Variants in SRC observed in about 807,000 individuals in gnomAD.
SRC encodes SRC proto-oncogene, non-receptor tyrosine kinase.
In SRC, 13 loss-of-function variants were observed where a neutral mutation model predicts 62.9. The ratio of observed to expected loss-of-function variants is 0.21; its 90% CI spans 0.13 to 0.33. SRC has a LOEUF of 0.33. Ranked by LOEUF, SRC falls within the 10% of genes least tolerant of loss-of-function variation. The pLI is 1.00. For missense variants in SRC, 457 were observed against 737.3 expected (o/e 0.62, Z 4.40); for synonymous variants, 302 against 317.5 (o/e 0.95, Z 0.52).
chr20:37,384,590 C>T lies in SRC; in HGVS notation c.250+187C>T, dbSNP rs1473212901. Among the ~76,000 whole-genome samples the T allele has an allele frequency of 1.3e-5, 2 of 152,212 alleles. No individual in the cohort carries two copies. Among genetic ancestry groups the T allele is most frequent in the East Asian group, 3.9e-4 (2 of 5,176 alleles). On this transcript the variant is annotated intron_variant, in intron 4 of 13. Coordinates refer to ENST00000373578, the MANE Select transcript of SRC (RefSeq NM_198291.3). This position sits in a 1 kb window ranked among gnomAD's most constrained non-coding sequence, Gnocchi z 6.7. ...ACACACTGTGAAGCGTCCGCGCCGC[C>T]GCCGCTGGCTTTGGGGTGGAGCAAG...
At position 37,385,196 on chromosome 20, in the gene SRC, A is replaced by G. The variant is rs184472266; in HGVS notation, c.250+793A>G. On this transcript the variant is annotated intron_variant, in intron 4 of 13. Coordinates refer to ENST00000373578, the MANE Select transcript of SRC (RefSeq NM_198291.3). ...GACACACGCTCAGCTGGAAATCACA[A>G]TCTCACCATCGTGGCCGCCCAGGAG... Among the ~76,000 whole-genome samples, 7 of 131,052 alleles carry G rather than the reference A, an allele frequency of 5.3e-5. No homozygotes were observed. The East Asian group carries it at 1.4e-3, about 25-fold the overall frequency. The allele number at this position is 131,052 out of a possible 152,430, so 86.0% of individuals were successfully genotyped here.
intron 2 of SRC, among the ~76,000 whole-genome samples, chr20:37,382,022 C>T (rs2070371741): frequency 6.6e-6 from 1 of 152,158 alleles, no homozygotes; most frequent in African/African-American, 2.4e-5. Flanking sequence ...TTCACACAGG[C>T]AGGGGGCGTC....
Position 37,404,874 on chromosome 20 carries a change from CTG to C in SRC, c.*1505_*1506del, listed in dbSNP as rs764585480. On this transcript the variant is annotated 3_prime_UTR_variant, in exon 14 of 14. Transcript: ENST00000373578. The stretch of plus-strand genomic sequence containing the variant: ...GTTTGTGGCATCTTGCCAAGGGTCC[CTG>C]TGTGTGTGTATGTGTGTGCATGTGT... 8.6e-6 allele frequency: 2 copies of C among 233,694 alleles called. No individual in the cohort carries two copies. Among genetic ancestry groups the C allele is most frequent in the African/African-American group, 2.2e-5 (1 of 45,442 alleles). The allele number at this position is 233,694 out of a possible 1,614,324, so 14.5% of individuals were successfully genotyped here.
chr20:37,373,219 C>A (rs1281773064), intron 2 of SRC, among the ~76,000 whole-genome samples: 1 of 148,748 alleles, frequency 6.7e-6, no homozygotes, highest in Admixed American at 6.6e-5. Context: ...CACACATGTA[C>A]ATACGTACAC....
At chr20:37,354,543 C>T (rs1044246835) in intron 1 of SRC, among the ~76,000 whole-genome samples, 6 of 152,290 alleles carry the variant, frequency 3.9e-5, no homozygotes, top group East Asian at 1.9e-4. Flanking sequence ...CATCTTATCC[C>T]GCCAGTGTGT....
In SRC at chr20:37,402,353, G is replaced by C; in HGVS notation, c.1117-82G>C. ...TGGGGAGGGTGGGGAAGGGGTGGTT[G>C]GCTCTCCAGCCCCAGAGTGCTCTGT... On this transcript the variant is annotated intron_variant, in intron 11 of 13. Transcript: ENST00000373578. The surrounding 1 kb of genome is among the most constrained non-coding windows in gnomAD (Gnocchi z 6.2). 1 of 1,534,584 alleles carries C rather than the reference G, an allele frequency of 6.5e-7. No individual in the cohort carries two copies. The highest frequency in any genetic ancestry group is 8.8e-7 in the Non-Finnish European group (1 of 1,135,152).
intron 5 of SRC, among the ~76,000 whole-genome samples, chr20:37,390,603 G>A (rs61360155): frequency 2.0e-5 from 3 of 151,914 alleles, no homozygotes; most frequent in Admixed American, 6.6e-5. Flanking sequence ...ACGGGGTTTC[G>A]CCATGTTGCT....
intron 5 of SRC, among the ~76,000 whole-genome samples, chr20:37,386,644 G>T (rs1431647061): frequency 6.6e-6 from 1 of 152,046 alleles, no homozygotes; most frequent in African/African-American, 2.4e-5. Context: ...TTAGGTCCTG[G>T]ACCTTAACGC....
In SRC at chr20:37,373,058, A is replaced by G. The variant is rs540169691; in HGVS notation, c.-173+7781A>G. Among the ~76,000 whole-genome samples the G allele has an allele frequency of 6.7e-5, 10 of 148,172 alleles. No homozygotes were observed. The South Asian group carries it at 1.7e-3, about 25-fold the overall frequency. On this transcript the variant is annotated intron_variant, in intron 2 of 13. Transcript: ENST00000373578. ...TACACATATACACATATATACATAT[A>G]TACACACATATACACACATATATAC...
chr20:37,353,624 C>A (rs1302723285), intron 1 of SRC, among the ~76,000 whole-genome samples: 1 of 152,160 alleles, frequency 6.6e-6, no homozygotes, highest in Non-Finnish European at 1.5e-5. Context: ...TCACAGCAGC[C>A]TCGCGGGGTA....
rs1166198675 is a variant in SRC at position 37,397,670 on chromosome 20, C to A, written c.704-29C>A. 6.5e-7 allele frequency: 1 copy of A among 1,534,602 alleles called. No individual in the cohort carries two copies. ...GGGAGGCCCCAGGGCAGAAGACCCG[C>A]CTAACTGCTCCTCCTGCCTCCTCCT... On this transcript the variant is annotated intron_variant, in intron 8 of 13. Coordinates refer to ENST00000373578, the MANE Select transcript of SRC (RefSeq NM_198291.3). The surrounding 1 kb of genome is among the most constrained non-coding windows in gnomAD (Gnocchi z 4.1).
At chr20:37,389,304 T>A (rs1487522653) in intron 5 of SRC, among the ~76,000 whole-genome samples, 1 of 152,106 alleles carries the variant, frequency 6.6e-6, no homozygotes, top group Admixed American at 6.5e-5. Context: ...TGCCCCTTCC[T>A]CCCACCCAAA....
intron 5 of SRC, among the ~76,000 whole-genome samples, chr20:37,388,286 G>A (rs1212197917): frequency 6.6e-6 from 1 of 152,224 alleles, no homozygotes; most frequent in Non-Finnish European, 1.5e-5. Context: ...CTTCCAGGGA[G>A]GGTGGGCTGG....
intron 2 of SRC, among the ~76,000 whole-genome samples, chr20:37,365,490 A>C (rs1248977900): frequency 6.9e-6 from 1 of 144,638 alleles, no homozygotes; most frequent in Admixed American, 6.7e-5. Flanking sequence ...GTATATTAAC[A>C]ATTTTTTTAG....
intron 2 of SRC, among the ~76,000 whole-genome samples, chr20:37,366,431 TAG>T (rs1471500772): frequency 1.3e-5 from 2 of 152,230 alleles, no homozygotes; most frequent in Admixed American, 6.5e-5. Flanking sequence ...TGGTTTTTAG[TAG>T]AGTCACGGAA....
intron 2 of SRC, among the ~76,000 whole-genome samples, chr20:37,371,631 C>G (rs2070166865): frequency 6.6e-6 from 1 of 152,038 alleles, no homozygotes; most frequent in Non-Finnish European, 1.5e-5. Context: ...GTTTAGTTTG[C>G]TCTTCTTTTC....
Position 37,398,405 on chromosome 20 carries a change from C to T in SRC, c.859+551C>T, listed in dbSNP as rs1251777587. 6.6e-6 allele frequency among the ~76,000 whole-genome samples: 1 copy of T among 152,226 alleles called. No individual in the cohort carries two copies. The highest frequency in any genetic ancestry group is 1.5e-5 in the Non-Finnish European group (1 of 68,034). The stretch of plus-strand genomic sequence containing the variant: ...TCTTCCACCGGATGCTTTCTGCTCA[C>T]ACGGAGGGACCGGAGGCCAGGGTGG... On this transcript the variant is annotated intron_variant, in intron 9 of 13. Coordinates refer to ENST00000373578, the MANE Select transcript of SRC (RefSeq NM_198291.3). This position sits in a 1 kb window ranked among gnomAD's most constrained non-coding sequence, Gnocchi z 5.2.
intron 2 of SRC, among the ~76,000 whole-genome samples, chr20:37,373,088 A>G (rs929433261): frequency 6.7e-6 from 1 of 149,028 alleles, no homozygotes; most frequent in African/African-American, 2.6e-5. Flanking sequence ...ATATACATAT[A>G]TAAATACATA....
At chr20:37,381,249 C>A (rs1466603504) in intron 2 of SRC, among the ~76,000 whole-genome samples, 1 of 152,150 alleles carries the variant, frequency 6.6e-6, no homozygotes, top group Non-Finnish European at 1.5e-5. Flanking sequence ...CTGAGTGCCC[C>A]AGTGTGGAGT....
Sources: allele counts gnomAD v4.1 joint callset (sites outside exome capture counted in the v4.1 genomes callset), GRCh38; gene constraint gnomAD v4.1.1; non-coding constraint Gnocchi (gnomAD v3.1); transcripts MANE v1.5; gene names NCBI Gene and HGNC (gene_info 2026-07-23, HGNC 2026-07-21).